BNC2: variants seen among roughly 807,000 people sequenced by gnomAD.
The protein encoded by BNC2 is zinc finger protein basonuclin-2.
In BNC2, 20 loss-of-function variants were observed where a neutral mutation model predicts 76.3. The observed-to-expected ratio is 0.26, with a 90% CI of 0.18 to 0.38. The LOEUF is 0.38. Ranked by LOEUF, BNC2 falls within the 10% of genes least tolerant of loss-of-function variation. The pLI is 1.00. For synonymous variants in BNC2, 582 were observed against 514.8 expected (o/e 1.13, Z -1.77); for missense variants, 1,382 against 1,399.8 (o/e 0.99, Z 0.20).
chr9:16,786,039 G>A (rs907250157), intron 1 of BNC2, among the ~76,000 whole-genome samples: 1 of 152,042 alleles, frequency 6.6e-6, no homozygotes, highest in Non-Finnish European at 1.5e-5. Flanking sequence ...GTGAGAAGCA[G>A]CAGTAAACTT....
chr9:16,562,387 T>C (rs1276576246), intron 4 of BNC2, among the ~76,000 whole-genome samples: 1 of 152,226 alleles, frequency 6.6e-6, no homozygotes, highest in Non-Finnish European at 1.5e-5. Context: ...GCCCACTCTT[T>C]TAATTTTAGT....
intron 3 of BNC2, among the ~76,000 whole-genome samples, chr9:16,707,099 G>C (rs1038039201): frequency 6.6e-5 from 10 of 152,168 alleles, no homozygotes; most frequent in Non-Finnish European, 1.0e-4. Context: ...CTAATCGGGA[G>C]GCTGAGGCAG....
intron 3 of BNC2, among the ~76,000 whole-genome samples, chr9:16,678,884 G>A (rs1822739674): frequency 2.6e-5 from 4 of 151,988 alleles, no homozygotes; most frequent in Admixed American, 1.3e-4. Flanking sequence ...AATTACAATC[G>A]AAATCAGTGT....
At position 16,419,254 on chromosome 9, in the gene BNC2, G is replaced by T. The variant is rs1447094048; in HGVS notation, c.3035C>A (p.Pro1012His). 7.4e-6 allele frequency: 12 copies of T among 1,614,092 alleles called. No individual in the cohort carries two copies. The highest frequency in any genetic ancestry group is 9.3e-6 in the Non-Finnish European group (11 of 1,180,044). Reference sequence around the variant, plus strand: ...TGAAACTTCAGCCCCTAGGCTGCCAGGGAGGGCAGGGGCCTCGGCCTTGTG... The same window carrying T: ...TGAAACTTCAGCCCCTAGGCTGCCATGGAGGGCAGGGGCCTCGGCCTTGTG... ...SAHKAEAPAL[P>H]GSLGAEVSGS... Residue 1012 changes from proline (P) to histidine (H), a missense_variant, in exon 7 of 7, where the codon CCT (proline) becomes CAT (histidine). Transcript: ENST00000380672.
chr9:16,413,052 A>G lies in BNC2; in HGVS notation c.*5937T>C, dbSNP rs192720739. 4.8e-4 allele frequency: 73 copies of G among 152,718 alleles called. No homozygotes were observed. The highest frequency in any genetic ancestry group is 2.9e-5 in the Non-Finnish European group (2 of 68,018). 9.5% of individuals were successfully genotyped at this position (152,718 alleles called of 1,614,324 possible). On this transcript the variant is annotated 3_prime_UTR_variant, in exon 7 of 7. Transcript: ENST00000380672. The stretch of plus-strand genomic sequence containing the variant: ...ACTGGAAGGTAATAAAGTGACAAGT[A>G]TGTTATTAGAAAGATACGAGGTGAA...
At chr9:16,847,918 C>G (rs938877251) in intron 1 of BNC2, among the ~76,000 whole-genome samples, 1 of 152,120 alleles carries the variant, frequency 6.6e-6, no homozygotes, top group Non-Finnish European at 1.5e-5. Context: ...TACATAAATA[C>G]ATAAAAAACA....
chr9:16,829,386 T>C (rs1469564525), intron 1 of BNC2, among the ~76,000 whole-genome samples: 5 of 152,218 alleles, frequency 3.3e-5, no homozygotes, highest in Non-Finnish European at 7.3e-5. Flanking sequence ...AAGCACTCTT[T>C]TTATTAGGTG....
intron 6 of BNC2, among the ~76,000 whole-genome samples, chr9:16,430,710 G>T (rs1328493744): frequency 6.6e-6 from 1 of 152,142 alleles, no homozygotes; most frequent in Non-Finnish European, 1.5e-5. Context: ...ATACATTTCT[G>T]CTTTTTAGCT....
intron 4 of BNC2, among the ~76,000 whole-genome samples, chr9:16,567,973 GC>G (rs2132788121): frequency 6.6e-6 from 1 of 152,266 alleles, no homozygotes; most frequent in African/African-American, 2.4e-5. Flanking sequence ...TTTCAGTCCT[GC>G]CCTGGATATT....
intron 5 of BNC2, among the ~76,000 whole-genome samples, chr9:16,523,932 C>T (rs1040963204): frequency 2.0e-5 from 3 of 152,154 alleles, no homozygotes; most frequent in African/African-American, 7.2e-5. Context: ...TGCACTCCAG[C>T]CTGGACAACA....
At chr9:16,648,690 C>A (rs565477942) in intron 3 of BNC2, among the ~76,000 whole-genome samples, 1 of 152,318 alleles carries the variant, frequency 6.6e-6, no homozygotes, top group East Asian at 1.9e-4. Context: ...GTGTCACCTG[C>A]AAACCACAAA....
At chr9:16,515,809 A>T (rs1822864518) in intron 5 of BNC2, among the ~76,000 whole-genome samples, 1 of 149,858 alleles carries the variant, frequency 6.7e-6, no homozygotes, top group Admixed American at 6.7e-5. Flanking sequence ...ATTCCATGCT[A>T]AAAAAAAGAT....
At chr9:16,469,861 A>T (rs1197477971) in intron 5 of BNC2, among the ~76,000 whole-genome samples, 1 of 152,166 alleles carries the variant, frequency 6.6e-6, no homozygotes, top group East Asian at 1.9e-4. Context: ...TAGCAAAGAG[A>T]CTGGCAGCAT....
chr9:16,532,792 T>C lies in BNC2; in HGVS notation c.669+19738A>G, dbSNP rs369216260. Among the ~76,000 whole-genome samples, 4 of 152,340 alleles carry C rather than the reference T, an allele frequency of 2.6e-5. No homozygotes were observed. In the East Asian group the frequency reaches 5.8e-4, roughly 22 times the overall value. On this transcript the variant is annotated intron_variant, in intron 5 of 6. Coordinates refer to ENST00000380672, the MANE Select transcript of BNC2 (RefSeq NM_017637.6). ...TTGCTTCTACTTACGTCTGGTATGG[T>C]GGAAATACCATATAATAATGTGTGA...
At chr9:16,840,000 T>A (rs1340891154) in intron 1 of BNC2, among the ~76,000 whole-genome samples, 7 of 152,208 alleles carry the variant, frequency 4.6e-5, no homozygotes, top group Admixed American at 4.6e-4. Flanking sequence ...CCTTTACCAA[T>A]CTATCAATAT....
chr9:16,732,160 A>AG, intron 2 of BNC2, among the ~76,000 whole-genome samples: 1 of 137,544 alleles, frequency 7.3e-6, no homozygotes, highest in African/African-American at 2.7e-5. Flanking sequence ...TTTCCTGCAA[A>AG]AAAAAAAGAA....
At chr9:16,570,976 T>C (rs1221106654) in intron 4 of BNC2, among the ~76,000 whole-genome samples, 1 of 152,216 alleles carries the variant, frequency 6.6e-6, no homozygotes, top group Non-Finnish European at 1.5e-5. Flanking sequence ...TAATTTCTAA[T>C]TAGAAAATTT....
intron 4 of BNC2, among the ~76,000 whole-genome samples, chr9:16,578,505 T>C (rs1819546991): frequency 6.6e-6 from 1 of 152,070 alleles, no homozygotes; most frequent in African/African-American, 2.4e-5. Flanking sequence ...GAATAGTAAG[T>C]AGGACTCACT....
At chr9:16,779,461 TTA>T (rs1826063985) in intron 1 of BNC2, among the ~76,000 whole-genome samples, 1 of 152,134 alleles carries the variant, frequency 6.6e-6, no homozygotes. Flanking sequence ...CTAAACATAC[TTA>T]TATATACCTT....
Sources: allele counts gnomAD v4.1 joint callset (sites outside exome capture counted in the v4.1 genomes callset), GRCh38; gene constraint gnomAD v4.1.1; transcripts MANE v1.5; gene names NCBI Gene and HGNC (gene_info 2026-07-23, HGNC 2026-07-21).